Variants in DPYD observed in about 807,000 individuals in gnomAD.
DPYD encodes dihydropyrimidine dehydrogenase.
DPYD carries 109 observed loss-of-function variants against 116.2 expected under a neutral mutation model. The ratio of observed to expected loss-of-function variants is 0.94; its 90% confidence interval spans 0.80 to 1.10. The LOEUF is 1.10. DPYD is among the 50% of genes least tolerant of loss of function. The probability of loss-of-function intolerance (pLI) is 0.00; values close to 1 mark genes in which losing one functional copy is unlikely to be tolerated. For synonymous variants in DPYD, 440 were observed against 432.0 expected (o/e 1.02, Z -0.23); for missense variants, 1,302 against 1,254.5 (o/e 1.04, Z -0.57).
intron 14 of DPYD, among the ~76,000 whole-genome samples, chr1:97,432,433 G>C (rs957078564): frequency 6.6e-6 from 1 of 151,254 alleles, no homozygotes; most frequent in Non-Finnish European, 1.5e-5. Context: ...TTTCTCTTTG[G>C]ATCTGTTAAA....
intron 14 of DPYD, among the ~76,000 whole-genome samples, chr1:97,442,871 C>A (rs961553330): frequency 6.6e-6 from 1 of 152,168 alleles, no homozygotes; most frequent in African/African-American, 2.4e-5. Context: ...CTTGCCAAAT[C>A]TCCCTTTCAC....
chr1:97,376,068 T>C (rs1671595267), intron 15 of DPYD, among the ~76,000 whole-genome samples: 1 of 152,244 alleles, frequency 6.6e-6, no homozygotes, highest in South Asian at 2.1e-4. Flanking sequence ...TATCTTACTT[T>C]ATCTTCACAG....
intron 17 of DPYD, among the ~76,000 whole-genome samples, chr1:97,305,671 G>T (rs943158218): frequency 4.6e-5 from 7 of 151,878 alleles, no homozygotes; most frequent in African/African-American, 1.7e-4. Flanking sequence ...GCAAGTCAGG[G>T]TGCAATTTCC....
chr1:97,173,140 GTATA>G (rs943171561), intron 20 of DPYD, among the ~76,000 whole-genome samples: 2 of 150,962 alleles, frequency 1.3e-5, no homozygotes, highest in African/African-American at 2.4e-5. Context: ...TGTAAAATGA[GTATA>G]TATACACATA....
chr1:97,174,276 C>T (rs1657095317), intron 20 of DPYD, among the ~76,000 whole-genome samples: 1 of 152,112 alleles, frequency 6.6e-6, no homozygotes, highest in Non-Finnish European at 1.5e-5. Flanking sequence ...CTGGCTGATC[C>T]TACAAAGCAA....
intron 18 of DPYD, among the ~76,000 whole-genome samples, chr1:97,279,596 C>T (rs1373279381): frequency 2.0e-5 from 3 of 152,112 alleles, no homozygotes; most frequent in African/African-American, 4.8e-5. Context: ...CCGCAACCTC[C>T]GCCTCCGGAG....
intron 13 of DPYD, among the ~76,000 whole-genome samples, chr1:97,464,747 C>T (rs1023897844): frequency 5.9e-5 from 9 of 152,162 alleles, no homozygotes; most frequent in African/African-American, 2.2e-4. Flanking sequence ...TGCTTGGATG[C>T]CCAGGGCAGC....
In DPYD at chr1:97,667,331, A is replaced by G. The variant is rs72975789; in HGVS notation, c.850+11764T>C. Among the ~76,000 whole-genome samples, 765 of 152,260 alleles carry G rather than the reference A, an allele frequency of 5.0e-3. 5 individuals are homozygous for G. Among genetic ancestry groups the G allele is most frequent in the African/African-American group, 0.017 (725 of 41,570 alleles). On this transcript the variant is annotated intron_variant, in intron 8 of 22. Transcript: ENST00000370192. Reference sequence around the variant, plus strand: ...ATATAATCTAATTGAGGCCCTCAAAATATCAAAAAATGTGAATGCCATTTA... The same window carrying G: ...ATATAATCTAATTGAGGCCCTCAAAGTATCAAAAAATGTGAATGCCATTTA...
intron 8 of DPYD, among the ~76,000 whole-genome samples, chr1:97,661,283 C>G (rs978477364): frequency 6.6e-6 from 1 of 152,160 alleles, no homozygotes; most frequent in Non-Finnish European, 1.5e-5. Flanking sequence ...GACTTGCCTA[C>G]AGTGTTCTCT....
At position 97,305,275 on chromosome 1, in the gene DPYD, T is replaced by G. The variant is rs772853110; in HGVS notation, c.2283A>C (p.Thr761=). ...AACACCTACCAGACACTCCTCCATA[T>G]GTAGTTCGCTTTGCAATCCCCACTG... The part of the protein sequence containing the change: ...WPAVGIAKRT[T]YGGVSGTAIR... The change falls in exon 18 of 23, where the codon ACA becomes ACC. Residue 761 remains threonine (T), a synonymous_variant. Transcript: ENST00000370192. 3 of 1,612,270 alleles carry G rather than the reference T, an allele frequency of 1.9e-6. No individual in the cohort carries two copies. In the African/African-American group the frequency reaches 4.0e-5, roughly 22 times the overall value.
chr1:97,698,333 A>T (rs1661413694), intron 6 of DPYD, among the ~76,000 whole-genome samples: 1 of 151,920 alleles, frequency 6.6e-6, no homozygotes, highest in South Asian at 2.1e-4. Context: ...ATTTATATCA[A>T]TGATACAAAT....
intron 8 of DPYD, among the ~76,000 whole-genome samples, chr1:97,620,173 C>T (rs1484176156): frequency 6.6e-6 from 1 of 152,064 alleles, no homozygotes; most frequent in Non-Finnish European, 1.5e-5. Flanking sequence ...TACTGGTGTT[C>T]CCATACCCAT....
intron 3 of DPYD, among the ~76,000 whole-genome samples, chr1:97,748,890 T>C (rs1302554983): frequency 6.6e-6 from 1 of 152,198 alleles, no homozygotes; most frequent in African/African-American, 2.4e-5. Flanking sequence ...AAATTAAAAA[T>C]GACAGGTTGG....
At chr1:97,207,256 T>C (rs4128472) in intron 19 of DPYD, among the ~76,000 whole-genome samples, 10,864 of 152,230 alleles carry the variant, frequency 0.071, 1,222 homozygotes, top group African/African-American at 0.24. Flanking sequence ...AGAACTCACA[T>C]CAATCCACAA....
chr1:97,202,678 G>C (rs1659293043), intron 19 of DPYD, among the ~76,000 whole-genome samples: 1 of 152,182 alleles, frequency 6.6e-6, no homozygotes, highest in African/African-American at 2.4e-5. Flanking sequence ...CACTGAAGAT[G>C]GCCTGCGCTG....
chr1:97,740,381 T>A lies in DPYD; in HGVS notation c.321+11A>T, dbSNP rs781684429. On this transcript the variant is annotated intron_variant, in intron 4 of 22. Transcript: ENST00000370192. The stretch of plus-strand genomic sequence containing the variant: ...TGTTATTTTCATTTGCAGAGTTAAA[T>A]CTGAATTTACCTTGTTTGCAATACT... 6.2e-7 allele frequency: 1 copy of A among 1,601,358 alleles called. No homozygotes were observed. Among genetic ancestry groups the A allele is most frequent in the Admixed American group, 1.7e-5 (1 of 59,976 alleles).
intron 2 of DPYD, among the ~76,000 whole-genome samples, chr1:97,870,282 A>G (rs1474328157): frequency 6.6e-6 from 1 of 151,918 alleles, no homozygotes; most frequent in African/African-American, 2.4e-5. Context: ...CAAATAGGGT[A>G]TAACACATTT....
intron 13 of DPYD, among the ~76,000 whole-genome samples, chr1:97,452,484 G>A (rs1676471649): frequency 1.3e-5 from 2 of 152,200 alleles, no homozygotes; most frequent in South Asian, 4.1e-4. Context: ...GACATTTATT[G>A]CTGGCTGCAT....
At chr1:97,185,908 T>C (rs1657962818) in intron 20 of DPYD, among the ~76,000 whole-genome samples, 1 of 152,212 alleles carries the variant, frequency 6.6e-6, no homozygotes, top group African/African-American at 2.4e-5. Context: ...ATTTCACGGA[T>C]ATATGTGTTT....
Sources: allele counts gnomAD v4.1 joint callset (sites outside exome capture counted in the v4.1 genomes callset), GRCh38; gene constraint gnomAD v4.1.1; transcripts MANE v1.5; gene names NCBI Gene and HGNC (gene_info 2026-07-23, HGNC 2026-07-21).